NOM1: variants seen among roughly 807,000 people sequenced by gnomAD.
The protein encoded by NOM1 is nucleolar protein with MIF4G domain 1, also known as nucleolar MIF4G domain-containing protein 1.
NOM1 carries 58 observed loss-of-function variants against 73.3 expected under a neutral mutation model. The observed-to-expected ratio is 0.79, with a 90% CI of 0.64 to 0.99. The LOEUF is 0.99. Among genes scored for constraint, NOM1 ranks in the 50% least tolerant of loss-of-function variants. The pLI, the probability that NOM1 is intolerant of heterozygous loss-of-function variation, is 0.00. For synonymous variants in NOM1, 487 were observed against 446.8 expected, an observed-to-expected ratio of 1.09 and a Z score of -1.14; for missense variants, 1,226 against 1,131.9, an observed-to-expected ratio of 1.08 and a Z score of -1.19.
intron 3 of NOM1, among the ~76,000 whole-genome samples, 161 bp from the exon 4 acceptor site, chr7:156,959,690 G>A (rs943682078): frequency 1.3e-5 from 2 of 152,220 alleles, no homozygotes; most frequent in Admixed American, 1.3e-4. Flanking sequence ...CGTCCAGGCT[G>A]GGGCACTCTG....
At chr7:156,962,328 A>G in intron 5 of NOM1, 67 bp downstream of exon 5, 1 of 1,290,630 alleles carries the variant, frequency 7.7e-7, no homozygotes, top group Non-Finnish European at 1.1e-6. Context: ...CTGTCATGAA[A>G]ATCAAGAAAT....
chr7:156,961,933 C>G (rs1448550377), intron 4 of NOM1, among the ~76,000 whole-genome samples: 1 of 152,048 alleles, frequency 6.6e-6, no homozygotes, highest in Non-Finnish European at 1.5e-5. Flanking sequence ...TGGGTTCCCA[C>G]TTGACGTTGG....
chr7:156,965,806 C>A (rs772137986), intron 7 of NOM1, among the ~76,000 whole-genome samples: 8 of 151,936 alleles, frequency 5.3e-5, no homozygotes, highest in African/African-American at 1.9e-4. Flanking sequence ...TCCAGCTACT[C>A]GGGAGGCTGA....
intron 1 of NOM1, among the ~76,000 whole-genome samples, chr7:156,951,147 A>G (rs1347974445): frequency 6.6e-6 from 1 of 152,228 alleles, no homozygotes; most frequent in African/African-American, 2.4e-5. Context: ...CCAACATTGA[A>G]TTAAAGATAA....
In NOM1 at chr7:156,950,282, A is replaced by G; in HGVS notation, c.545A>G (p.Glu182Gly). The G allele has an allele frequency of 6.2e-7, 1 of 1,614,060 alleles. No homozygotes were observed. Among genetic ancestry groups the G allele is most frequent in the South Asian group, 1.1e-5 (1 of 91,090 alleles). The change falls in exon 1 of 11, where the codon GAG becomes GGG. Residue 182 changes from glutamate (E) to glycine (G), a missense_variant. Transcript: ENST00000275820. ...GCGCTTTTAGCGGCGAACGAGGAGGAGGACCGAGAGATCCGAAAGCTGGAG... is the reference window on the plus strand; with the variant it reads ...GCGCTTTTAGCGGCGAACGAGGAGGGGGACCGAGAGATCCGAAAGCTGGAG... ...KRALLAANEE[E>G]DREIRKLERC...
chr7:156,961,060 T>A (rs1228519850), intron 4 of NOM1, among the ~76,000 whole-genome samples: 1 of 152,114 alleles, frequency 6.6e-6, no homozygotes, highest in Non-Finnish European at 1.5e-5. Flanking sequence ...CAGAGTGGGC[T>A]GAAGGGATAT....
Position 156,972,971 on chromosome 7 carries a change from A to G in NOM1, c.*3268A>G, listed in dbSNP as rs923160607. The G allele has an allele frequency of 1.3e-5, 2 of 152,242 alleles. No homozygotes were observed. The highest frequency in any genetic ancestry group is 1.3e-4 in the Admixed American group (2 of 15,278). The allele number at this position is 152,242 out of a possible 1,614,324, so 9.4% of individuals were successfully genotyped here. A position where few individuals can be genotyped will look rare whatever the true frequency, so the allele number is the denominator to read the frequency against. On this transcript the variant is annotated 3_prime_UTR_variant, in exon 11 of 11. Transcript: ENST00000275820. ...TAGGGGGTTTTTTGAAATTTATTACAGTGCAATTGAAAATACACTTAAAAT... is the reference window on the plus strand; with the variant it reads ...TAGGGGGTTTTTTGAAATTTATTACGGTGCAATTGAAAATACACTTAAAAT...
rs776639784 is a variant in NOM1, at chr7:156,949,742, C to A, written c.5C>A (p.Ala2Glu). Residue 2 changes from alanine (A) to glutamate (E), a missense_variant, in exon 1 of 11, where the codon GCG becomes GAG. Transcript: ENST00000275820. The stretch of plus-strand genomic sequence containing the variant: ...TGCGTCCACGCGTTTCGAAAGATGG[C>A]GGCGTCCAGGAGCGCGGGAGAGGCC... M[A>E]ASRSAGEAGP... 6 of 1,359,090 alleles carry A rather than the reference C, an allele frequency of 4.4e-6. No homozygotes were observed. In the African/African-American group the frequency reaches 9.1e-5, roughly 21 times the overall value. The allele number at this position is 1,359,090 out of a possible 1,614,324, so 84.2% of individuals were successfully genotyped here.
intron 3 of NOM1, among the ~76,000 whole-genome samples, chr7:156,958,369 C>T (rs1804779322): frequency 1.3e-5 from 2 of 152,220 alleles, no homozygotes; most frequent in Admixed American, 6.5e-5. Flanking sequence ...CCATGCGTTG[C>T]TGTGTTACCC....
Position 156,959,937 on chromosome 7 carries a change from G to C in NOM1, c.1395G>C (p.Leu465=), listed in dbSNP as rs778164743. Residue 465 remains leucine, a synonymous_variant, in exon 4 of 11, where the codon CTG becomes CTC. Transcript: ENST00000275820. ...GCGAAGGGAAAGAGTGTGACAACCT[G>C]TTCACCGTCATTGCCCATTTATACA... The part of the protein sequence containing the change: ...YGSEGKECDN[L]FTVIAHLYNF... 1.9e-6 allele frequency: 3 copies of C among 1,613,970 alleles called. No homozygotes were observed. Among genetic ancestry groups the C allele is most frequent in the Admixed American group, 3.3e-5 (2 of 60,002 alleles).
intron 9 of NOM1, among the ~76,000 whole-genome samples, chr7:156,967,875 G>C (rs1282986352): frequency 6.6e-6 from 1 of 151,778 alleles, no homozygotes; most frequent in Non-Finnish European, 1.5e-5. Context: ...GGCCTGTAAG[G>C]CTTGGATGGT....
chr7:156,971,227 A>G lies in NOM1; in HGVS notation c.*1524A>G, dbSNP rs1360418891. 1 of 152,192 alleles carries G rather than the reference A, an allele frequency of 6.6e-6. No individual in the cohort carries two copies. Among genetic ancestry groups the G allele is most frequent in the Admixed American group, 6.5e-5 (1 of 15,276 alleles). 9.4% of individuals were successfully genotyped at this position (152,192 alleles called of 1,614,324 possible). On this transcript the variant is annotated 3_prime_UTR_variant, in exon 11 of 11. Coordinates refer to ENST00000275820, the MANE Select transcript of NOM1 (RefSeq NM_138400.2). ...TTGATTGTTGAAAAAAGTCACTAAGATGTGAATACAGAATAGACATTGAGA... is the reference window on the plus strand; with the variant it reads ...TTGATTGTTGAAAAAAGTCACTAAGGTGTGAATACAGAATAGACATTGAGA...
chr7:156,963,882 T>G, intron 6 of NOM1, 23 bp from the exon 7 acceptor site: 1 of 1,608,094 alleles, frequency 6.2e-7, no homozygotes, highest in Non-Finnish European at 8.5e-7. Context: ...TGCGTATGAC[T>G]TGTCCATTCA....
chr7:156,966,972 G>A lies in NOM1; in HGVS notation c.2178G>A (p.Gln726=). ...EYERRFQMTF[Q]FSIWDKFRDL... is the part of the protein sequence containing the mutation. ...AACTATGATACTAGATGACTTTCCAGTTCAGCATATGGGACAAATTTCGGG... is the reference window on the plus strand; with the variant it reads ...AACTATGATACTAGATGACTTTCCAATTCAGCATATGGGACAAATTTCGGG... Residue 726 remains glutamine (Q), a synonymous_variant, in exon 9 of 11, where the codon CAG becomes CAA. Coordinates refer to ENST00000275820, the MANE Select transcript of NOM1 (RefSeq NM_138400.2). 3 of 1,613,060 alleles carry A rather than the reference G, an allele frequency of 1.9e-6. No homozygotes were observed. The South Asian group carries it at 3.3e-5, about 18-fold the overall frequency.
intron 6 of NOM1, 43 bp downstream of exon 6, chr7:156,963,218 C>A: frequency 1.2e-6 from 2 of 1,608,336 alleles, no homozygotes; most frequent in Non-Finnish European, 1.7e-6. Context: ...GAGGCACCCC[C>A]CTGTGTGGTG....
In NOM1 at chr7:156,954,280, C is replaced by T. The variant is rs544195413; in HGVS notation, c.1290C>T (p.His430=). The change falls in exon 3 of 11, where the codon CAC becomes CAT. Residue 430 remains histidine, a synonymous_variant. Transcript: ENST00000275820. ...ATGTTCTCTTAGTCAGCATCCTTCA[C>T]CACACAGTTGGAATCGAGGTACAGT... ...MEHVLLVSIL[H]HTVGIEVGAH... is the part of the protein sequence containing the mutation. The T allele has an allele frequency of 1.3e-6, 2 of 1,597,926 alleles. No homozygotes were observed.
In NOM1 at chr7:156,969,569, T is replaced by G. The variant is rs774135540; in HGVS notation, c.2449T>G (p.Leu817Val). The change falls in exon 11 of 11, where the codon TTG becomes GTG. Residue 817 changes from leucine (L) to valine (V), a missense_variant. Physicochemically the swap from Leu to Val is conservative, Grantham distance 32. Transcript: ENST00000275820. ...NPKLGVLREG[L>V]KLFISHFLLK... ...AAAGCTGGGGGTGTTACGTGAGGGT[T>G]TGAAGCTTTTCATCAGCCACTTCTT... is the stretch of plus-strand genomic sequence containing the variant. 2 of 1,613,966 alleles carry G rather than the reference T, an allele frequency of 1.2e-6. No homozygotes were observed. Among genetic ancestry groups the G allele is most frequent in the African/African-American group, 2.7e-5 (2 of 74,916 alleles).
rs753172204 is a variant in NOM1, at chr7:156,949,932, C to G, written c.195C>G (p.Cys65Trp). The change falls in exon 1 of 11, where the codon TGC (cysteine) becomes TGG (tryptophan). Residue 65 changes from cysteine (C) to tryptophan (W), a missense_variant. Physicochemically the swap from Cys to Trp is radical, Grantham distance 215. Coordinates refer to ENST00000275820, the MANE Select transcript of NOM1 (RefSeq NM_138400.2). ...CGGAAGGCGAGGCTCCCGGGGGTTG[C>G]GAGGGGCGCGGCGCCCCGGTGAGCT... is the stretch of plus-strand genomic sequence containing the variant. ...ATSEGEAPGG[C>W]EGRGAPVSFR... 55 of 1,541,524 alleles carry G rather than the reference C, an allele frequency of 3.6e-5. 1 individual carries two copies. In the Admixed American group the frequency reaches 9.1e-4, roughly 25 times the overall value.
At position 156,969,824 on chromosome 7, in the gene NOM1, A is replaced by T; in HGVS notation, c.*121A>T. Reference sequence around the variant, plus strand: ...GAGCTATATCATTGTCTGTTAATGTATTATATTTTGAGATTTTTTTTGATC... The same window carrying T: ...GAGCTATATCATTGTCTGTTAATGTTTTATATTTTGAGATTTTTTTTGATC... On this transcript the variant is annotated 3_prime_UTR_variant, in exon 11 of 11. Transcript: ENST00000275820. The T allele has an allele frequency of 1.1e-6, 1 of 944,372 alleles. No individual in the cohort carries two copies. Among genetic ancestry groups the T allele is most frequent in the South Asian group, 2.3e-5 (1 of 43,414 alleles). 58.5% of individuals were successfully genotyped at this position (944,372 alleles called of 1,614,324 possible).
Sources: allele counts gnomAD v4.1 joint callset (sites outside exome capture counted in the v4.1 genomes callset), GRCh38; gene constraint gnomAD v4.1.1; transcripts MANE v1.5; gene names NCBI Gene and HGNC (gene_info 2026-07-23, HGNC 2026-07-21).